NBAS: variants seen among roughly 807,000 people sequenced by gnomAD.
NBAS encodes NAG/BC035112 fusion.
In NBAS, 219 loss-of-function variants were observed where a neutral mutation model predicts 302.5. That is an observed-to-expected ratio of 0.72 (90% CI 0.65 to 0.81). NBAS has a LOEUF of 0.81. Among genes scored for constraint, NBAS ranks in the 30% least tolerant of loss-of-function variants. The pLI is 0.00. For missense variants in NBAS, 2,932 were observed against 2,841.6 expected (o/e 1.03, Z -0.72); for synonymous variants, 1,118 against 1,021.6 (o/e 1.09, Z -1.80).
intron 9 of NBAS, among the ~76,000 whole-genome samples, chr2:15,515,181 G>C (rs948973568): frequency 2.6e-5 from 4 of 152,080 alleles, no homozygotes; most frequent in African/African-American, 9.7e-5. Context: ...GCAGGGCACT[G>C]AGTGTACAAA....
chr2:15,367,415 C>T (rs373190128), intron 31 of NBAS, among the ~76,000 whole-genome samples: 95 of 152,268 alleles, frequency 6.2e-4, no homozygotes, highest in Non-Finnish European at 1.1e-3. Context: ...ATAACAACAA[C>T]TACGATAATA....
At chr2:15,469,435 C>A (rs2148576415) in intron 16 of NBAS, among the ~76,000 whole-genome samples, 1 of 152,224 alleles carries the variant, frequency 6.6e-6, no homozygotes, top group East Asian at 1.9e-4. Context: ...GTGGCGATTC[C>A]TCAAGGATCT....
chr2:15,376,058 G>A (rs888771296), intron 30 of NBAS, among the ~76,000 whole-genome samples: 1 of 152,266 alleles, frequency 6.6e-6, no homozygotes, highest in South Asian at 2.1e-4. Context: ...GATAAAGTTA[G>A]GGGAACTAGA....
intron 45 of NBAS, among the ~76,000 whole-genome samples, chr2:15,237,603 T>TC (rs1207749442): frequency 1.4e-5 from 2 of 143,356 alleles, no homozygotes; most frequent in African/African-American, 5.2e-5. Context: ...TATTTATTTA[T>TC]TTATTTATCT....
In NBAS at chr2:15,501,080, C is replaced by T. The variant is rs144331274; in HGVS notation, c.954+3065G>A. ...ACTTCGGGAGGCCGAGGCCAGCAGA[C>T]CATGAGGTCAGGAGACCTAGACCAT... On this transcript the variant is annotated intron_variant, in intron 11 of 51. Transcript: ENST00000281513. 4.7e-3 allele frequency among the ~76,000 whole-genome samples: 721 copies of T among 152,112 alleles called. 8 individuals are homozygous for T. Among genetic ancestry groups the T allele is most frequent in the African/African-American group, 0.016 (671 of 41,502 alleles).
At chr2:15,418,667 C>T (rs1282798535) in intron 23 of NBAS, among the ~76,000 whole-genome samples, 1 of 152,044 alleles carries the variant, frequency 6.6e-6, no homozygotes, top group African/African-American at 2.4e-5. Context: ...AGCATGGACT[C>T]TAAAGAATCA....
chr2:14,833,683 T>TAAA, the NBAS span, among the ~76,000 whole-genome samples: 4,841 of 152,094 alleles, frequency 0.032, 237 homozygotes, highest in African/African-American at 0.11. Context: ...TTACAATTCT[T>TAAA]AAGAATAAGA....
At chr2:15,552,374 G>T (rs951727089) in intron 5 of NBAS, among the ~76,000 whole-genome samples, 1 of 152,122 alleles carries the variant, frequency 6.6e-6, no homozygotes, top group African/African-American at 2.4e-5. Context: ...ATGTCTATGT[G>T]GATTTTCTTC....
chr2:15,216,105 C>T (rs1336077967), intron 48 of NBAS, among the ~76,000 whole-genome samples: 1 of 152,210 alleles, frequency 6.6e-6, no homozygotes, highest in Middle Eastern at 3.4e-3. Flanking sequence ...ATCAGTAATG[C>T]CAGACAGACA....
At chr2:15,165,196 C>A (rs1663984598), downstream of NBAS, among the ~76,000 whole-genome samples, 1 of 152,362 alleles carries the variant, frequency 6.6e-6, no homozygotes, top group Non-Finnish European at 1.5e-5. Context: ...AGGCTAGCTG[C>A]AAGGTTACAG....
At chr2:15,429,966 G>A (rs960304312) in intron 21 of NBAS, among the ~76,000 whole-genome samples, 4 of 152,164 alleles carry the variant, frequency 2.6e-5, no homozygotes, top group South Asian at 2.1e-4. Flanking sequence ...TTACTCTTCC[G>A]ACATAAGAAT....
At chr2:15,149,067 T>C in the NBAS span, among the ~76,000 whole-genome samples, 1 of 152,228 alleles carries the variant, frequency 6.6e-6, no homozygotes, top group Non-Finnish European at 1.5e-5. Context: ...GGTTGGAATG[T>C]GTCCCCCAAA....
the NBAS span, among the ~76,000 whole-genome samples, chr2:15,038,610 A>G: frequency 6.6e-6 from 1 of 151,892 alleles, no homozygotes; most frequent in African/African-American, 2.4e-5. Flanking sequence ...TTGTTTTACA[A>G]CCTCTGACCT....
the NBAS span, among the ~76,000 whole-genome samples, chr2:15,054,220 T>C: frequency 2.6e-5 from 4 of 152,228 alleles, no homozygotes; most frequent in African/African-American, 9.6e-5. Flanking sequence ...TTACTACCCA[T>C]TTCATAGGTA....
chr2:15,395,672 T>C (rs898984541), intron 27 of NBAS, among the ~76,000 whole-genome samples: 1 of 152,092 alleles, frequency 6.6e-6, no homozygotes, highest in Non-Finnish European at 1.5e-5. Context: ...CAAATTATCA[T>C]ACATACTACT....
chr2:15,005,664 C>T, the NBAS span, among the ~76,000 whole-genome samples: 1 of 152,212 alleles, frequency 6.6e-6, no homozygotes, highest in Non-Finnish European at 1.5e-5. Context: ...TCCAGATTCT[C>T]TTATCAAAGA....
At chr2:15,416,085 C>CAGAGAGAGAGAG in intron 24 of NBAS, among the ~76,000 whole-genome samples, 1 of 147,834 alleles carries the variant, frequency 6.8e-6, no homozygotes, top group East Asian at 2.0e-4. Context: ...TACGCAAAAA[C>CAGAGAGAGAGAG]AGAGAGAGAG....
intron 11 of NBAS, among the ~76,000 whole-genome samples, chr2:15,500,237 G>T (rs568978017): frequency 6.6e-6 from 1 of 152,094 alleles, no homozygotes; most frequent in African/African-American, 2.4e-5. Context: ...TAAAAATAAA[G>T]TAGTTTTCTA....
chr2:15,141,844 A>G, the NBAS span, among the ~76,000 whole-genome samples: 1 of 152,182 alleles, frequency 6.6e-6, no homozygotes, highest in Non-Finnish European at 1.5e-5. Context: ...GTTCAAATCC[A>G]ACATCACTGA....
Sources: gnomAD v4.1 joint callset for allele counts (sites outside exome capture counted in the v4.1 genomes callset) on GRCh38, gnomAD v4.1.1 for gene constraint, MANE v1.5 for transcripts, NCBI Gene and HGNC (gene_info 2026-07-23, HGNC 2026-07-21) for gene names.